The following UBAC2 variants were observed in gnomAD, a reference collection of about 807,000 sequenced individuals.
UBAC2 encodes UBA domain containing 2, also known as ubiquitin-associated domain-containing protein 2.
Under a neutral mutation model 44.0 loss-of-function variants are expected in UBAC2, and 26 were observed. The ratio of observed to expected loss-of-function variants is 0.59; its 90% confidence interval spans 0.43 to 0.82. UBAC2 has a LOEUF of 0.82. Among genes scored for constraint, UBAC2 ranks in the 40% least tolerant of loss-of-function variants. UBAC2 has a pLI of 0.00. For missense variants in UBAC2, 329 were observed against 419.4 expected (o/e 0.78, Z 1.88); for synonymous variants, 155 against 154.3 (o/e 1.00, Z -0.04).
intron 7 of UBAC2, among the ~76,000 whole-genome samples, chr13:99,365,258 A>G (rs1215783584): frequency 2.0e-5 from 3 of 152,128 alleles, no homozygotes; most frequent in Non-Finnish European, 2.9e-5. Flanking sequence ...AACAGCCAGC[A>G]GTAGGTTTTA....
intron 6 of UBAC2, among the ~76,000 whole-genome samples, chr13:99,319,436 ATGAC>A (rs2044540121): frequency 6.6e-6 from 1 of 152,188 alleles, no homozygotes; most frequent in Non-Finnish European, 1.5e-5. Flanking sequence ...TCTTGGGTGA[ATGAC>A]TGGTATTTGG....
intron 7 of UBAC2, among the ~76,000 whole-genome samples, chr13:99,360,876 G>A (rs1236687203): frequency 1.3e-5 from 2 of 152,108 alleles, no homozygotes; most frequent in African/African-American, 4.8e-5. Flanking sequence ...CCCCCGAGGA[G>A]ATGGGGCGCT....
rs370364634 is a variant in UBAC2, at chr13:99,385,384, G to A, written c.*49G>A. On this transcript the variant is annotated 3_prime_UTR_variant, in exon 9 of 9. Coordinates refer to ENST00000403766, the MANE Select transcript of UBAC2 (RefSeq NM_001144072.2). ...CGGACCGGCAGCCGAGTGACAGTGC[G>A]TGGTCCCCACCATCAGATCAGCCCG... 56 of 1,463,242 alleles carry A rather than the reference G, an allele frequency of 3.8e-5. 1 individual carries two copies. The highest frequency in any genetic ancestry group is 1.4e-4 in the East Asian group (6 of 44,096). The allele number at this position is 1,463,242 out of a possible 1,614,324, so 90.6% of individuals were successfully genotyped here.
chr13:99,341,975 TA>T (rs1277445000), intron 7 of UBAC2, among the ~76,000 whole-genome samples: 1 of 152,252 alleles, frequency 6.6e-6, no homozygotes, highest in African/African-American at 2.4e-5. Context: ...TTGTCTGAGA[TA>T]CCTTTGGAAT....
chr13:99,231,089 A>G (rs570583795), intron 1 of UBAC2, among the ~76,000 whole-genome samples: 1 of 152,188 alleles, frequency 6.6e-6, no homozygotes, highest in East Asian at 1.9e-4. Context: ...ATCCAGCTGG[A>G]TATCTTAGGT....
chr13:99,266,024 G>C (rs1227149824), intron 4 of UBAC2, among the ~76,000 whole-genome samples: 2 of 152,068 alleles, frequency 1.3e-5, no homozygotes, highest in African/African-American at 4.8e-5. Context: ...TGATAGTTCA[G>C]GGCTGCTTTG....
At chr13:99,210,173 C>T (rs144643379) in intron 1 of UBAC2, among the ~76,000 whole-genome samples, 1,749 of 152,214 alleles carry the variant, frequency 0.011, 34 homozygotes, top group African/African-American at 0.039. Context: ...TTTTTCTATA[C>T]ACTTATGTTC....
intron 6 of UBAC2, among the ~76,000 whole-genome samples, chr13:99,329,180 A>C (rs1336153713): frequency 6.6e-6 from 1 of 152,186 alleles, no homozygotes; most frequent in African/African-American, 2.4e-5. Flanking sequence ...ACCACACTGC[A>C]CTGATGACTA....
chr13:99,215,008 A>AT (rs2042975826), intron 1 of UBAC2, among the ~76,000 whole-genome samples: 1 of 147,292 alleles, frequency 6.8e-6, no homozygotes, highest in African/African-American at 2.5e-5. Flanking sequence ...TTCTTGGGGG[A>AT]TATGACCTTT....
At chr13:99,278,716 T>A (rs914496851) in intron 4 of UBAC2, among the ~76,000 whole-genome samples, 1 of 152,226 alleles carries the variant, frequency 6.6e-6, no homozygotes, top group East Asian at 1.9e-4. Flanking sequence ...TTAGATATCT[T>A]CTCTCCTTTA....
At chr13:99,238,688 A>G (rs994616949) in intron 2 of UBAC2, 134 bp downstream of exon 2, 51 of 789,400 alleles carry the variant, frequency 6.5e-5, no homozygotes, top group Non-Finnish European at 8.1e-5. Context: ...TTAATATTTC[A>G]TTAAGTAACT....
intron 6 of UBAC2, among the ~76,000 whole-genome samples, chr13:99,338,826 T>C (rs1329060579): frequency 6.6e-6 from 1 of 152,234 alleles, no homozygotes; most frequent in Non-Finnish European, 1.5e-5. Context: ...GCATTAGATA[T>C]AGCTGACCAT....
chr13:99,278,760 G>T (rs1401942468), intron 4 of UBAC2, among the ~76,000 whole-genome samples: 2 of 152,070 alleles, frequency 1.3e-5, no homozygotes, highest in Non-Finnish European at 2.9e-5. Flanking sequence ...TGTTGATAGG[G>T]TTATATCTGT....
chr13:99,246,816 A>G (rs1325186821), intron 4 of UBAC2, among the ~76,000 whole-genome samples: 1 of 152,232 alleles, frequency 6.6e-6, no homozygotes. Context: ...CCTTTGAAAG[A>G]CACTATAAAT....
Position 99,253,028 on chromosome 13 carries a change from CAA to C in UBAC2, c.389+8405_389+8406del, listed in dbSNP as rs756863639. Among the ~76,000 whole-genome samples, 338 of 151,276 alleles carry C rather than the reference CAA, an allele frequency of 2.2e-3. 3 individuals are homozygous for C. Among genetic ancestry groups the C allele is most frequent in the South Asian group, 8.1e-3 (39 of 4,806 alleles). On this transcript the variant is annotated intron_variant, in intron 4 of 8. Coordinates refer to ENST00000403766, the MANE Select transcript of UBAC2 (RefSeq NM_001144072.2). ...GTATAATAAACCTACATATCCAATA[CAA>C]GAGTTGTTTTTCTTGTTTTAGAAAT...
intron 4 of UBAC2, among the ~76,000 whole-genome samples, chr13:99,282,925 A>G (rs2043972899): frequency 6.6e-6 from 1 of 152,202 alleles, no homozygotes; most frequent in Non-Finnish European, 1.5e-5. Context: ...TGTGCTTGAA[A>G]TCTAATGTGC....
chr13:99,364,097 A>G (rs1469124657), intron 7 of UBAC2, among the ~76,000 whole-genome samples: 1 of 152,044 alleles, frequency 6.6e-6, no homozygotes, highest in African/African-American at 2.4e-5. Flanking sequence ...CATTTGAATA[A>G]TGAGTTTTGT....
At chr13:99,271,476 A>C (rs1327801142) in intron 4 of UBAC2, among the ~76,000 whole-genome samples, 1 of 152,120 alleles carries the variant, frequency 6.6e-6, no homozygotes, top group Non-Finnish European at 1.5e-5. Flanking sequence ...CCAGGGAGGT[A>C]AGAGTGGTCA....
At chr13:99,201,257 A>G in intron 1 of UBAC2, 1 of 1,443,066 alleles carries the variant, frequency 6.9e-7, no homozygotes, top group Non-Finnish European at 9.1e-7. Flanking sequence ...GGCCGGCCCC[A>G]GGCCCTTTGC....
Sources: allele counts gnomAD v4.1 joint callset (sites outside exome capture counted in the v4.1 genomes callset), GRCh38; gene constraint gnomAD v4.1.1; transcripts MANE v1.5; gene names NCBI Gene and HGNC (gene_info 2026-07-23, HGNC 2026-07-21).